Variants in PCDHA5 observed in about 807,000 individuals in gnomAD.
The protein encoded by PCDHA5 is protocadherin alpha-5.
PCDHA5 carries 43 observed loss-of-function variants against 61.6 expected under a neutral mutation model. That is an observed-to-expected ratio of 0.70 (90% CI 0.55 to 0.90). PCDHA5 has a LOEUF of 0.90. Ranked by LOEUF, PCDHA5 falls within the 40% of genes least tolerant of loss-of-function variation. The pLI is 0.00. For missense variants in PCDHA5, 1,298 were observed against 1,222.7 expected, an observed-to-expected ratio of 1.06 and a Z score of -0.92; for synonymous variants, 627 against 543.9, an observed-to-expected ratio of 1.15 and a Z score of -2.13.
chr5:140,837,299 G>A (rs2150274522), intron 1 of PCDHA5: 88,040 of 151,626 alleles, frequency 0.58, 26,686 homozygotes, highest in African/African-American at 0.73. Context: ...ACTTTGTTGA[G>A]ATGTATTTGC....
intron 1 of PCDHA5, chr5:140,828,687 C>T: frequency 6.2e-7 from 1 of 1,614,206 alleles, no homozygotes; most frequent in Non-Finnish European, 8.5e-7. Context: ...TTAAAGAAAT[C>T]CTTGGACAGA....
chr5:140,865,936 A>G (rs1279027190), intron 1 of PCDHA5: 2 of 152,184 alleles, frequency 1.3e-5, no homozygotes, highest in Non-Finnish European at 2.9e-5. Flanking sequence ...AAGAAACTTC[A>G]TGATTGTCTT....
rs782577579 is a variant in PCDHA5, at chr5:140,978,981, T to G, written c.2385T>G (p.Ser795=). The G allele has an allele frequency of 1.4e-5, 22 of 1,614,096 alleles. No individual in the cohort carries two copies. Among genetic ancestry groups the G allele is most frequent in the Non-Finnish European group, 1.8e-5 (21 of 1,180,040 alleles). The change falls in exon 2 of 4, where the codon TCT becomes TCG. Residue 795 remains serine (S), a synonymous_variant. Transcript: ENST00000529859. ...PRQPNPDWRY[S]ASLRAGMHSS... ...AGCCCAACCCTGACTGGCGTTACTC[T>G]GCCTCCCTGAGAGCAGGCATGCACA... is the stretch of plus-strand genomic sequence containing the variant.
chr5:140,830,462 T>C, intron 1 of PCDHA5: 1 of 1,579,416 alleles, frequency 6.3e-7, no homozygotes, highest in Non-Finnish European at 8.6e-7. Flanking sequence ...GAATCAGGAT[T>C]TAAATGAAGA....
rs1767862573 is a variant in PCDHA5 at position 140,823,758 on chromosome 5, A to T, written c.1983A>T (p.Thr661=). The part of the protein sequence containing the change: ...KDHGEPPLTA[T]ATVLVSLVES... ...ATGGAGAGCCCCCGCTGACAGCCAC[A>T]GCCACAGTGCTGGTGTCGCTGGTGG... Residue 661 remains threonine, a synonymous_variant, in exon 1 of 4, where the codon ACA becomes ACT. Coordinates refer to ENST00000529859, the MANE Select transcript of PCDHA5 (RefSeq NM_018908.3). 1.9e-6 allele frequency: 3 copies of T among 1,613,872 alleles called. No homozygotes were observed. The highest frequency in any genetic ancestry group is 2.5e-6 in the Non-Finnish European group (3 of 1,179,932).
At chr5:140,840,358 G>A (rs1180450322) in intron 1 of PCDHA5, among the ~76,000 whole-genome samples, 1 of 151,928 alleles carries the variant, frequency 6.6e-6, no homozygotes, top group East Asian at 1.9e-4. Flanking sequence ...AGGTAAAAAT[G>A]TCAGGTAGAA....
In PCDHA5 at chr5:140,821,636, AAAG is replaced by A. The variant is rs1425064126; in HGVS notation, c.-137_-135del. The stretch of plus-strand genomic sequence containing the variant: ...GTAGATTTTCCTTAGACAGAAAGGA[AAAG>A]AACCTTCCATTTTTGGCTGTGCCAA... On this transcript the variant is annotated 5_prime_UTR_variant, in exon 1 of 4. Transcript: ENST00000529859. The A allele has an allele frequency of 3.9e-6, 4 of 1,021,456 alleles. No individual in the cohort carries two copies. The highest frequency in any genetic ancestry group is 4.2e-6 in the Non-Finnish European group (3 of 713,464). 63.3% of individuals were successfully genotyped at this position (1,021,456 alleles called of 1,614,324 possible).
chr5:140,967,293 A>T, intron 1 of PCDHA5: 1 of 1,612,824 alleles, frequency 6.2e-7, no homozygotes. Flanking sequence ...CAGGACCCCG[A>T]CGTGGGCGCC....
At chr5:140,978,835 A>G in intron 1 of PCDHA5, 114 bp from the exon 2 acceptor site, 2 of 1,550,342 alleles carry the variant, frequency 1.3e-6, no homozygotes, top group Non-Finnish European at 1.7e-6. Flanking sequence ...TGGCTCATTC[A>G]ATACTTTTTT....
At chr5:140,849,663 A>T in intron 1 of PCDHA5, 1 of 1,598,672 alleles carries the variant, frequency 6.3e-7, no homozygotes, top group Non-Finnish European at 8.6e-7. Context: ...CTGCTCCCTG[A>T]CGCCCCACGT....
At chr5:140,958,192 C>G (rs1554223363) in intron 1 of PCDHA5, among the ~76,000 whole-genome samples, 1 of 151,790 alleles carries the variant, frequency 6.6e-6, no homozygotes, top group Non-Finnish European at 1.5e-5. Context: ...TGTTACTGGT[C>G]TAGTATACAA....
rs556069691 is a variant in PCDHA5 at position 140,951,526 on chromosome 5, G to A, written c.2353-27423G>A. Among the ~76,000 whole-genome samples the A allele has an allele frequency of 7.4e-4, 112 of 152,076 alleles. 1 individual carries two copies. The highest frequency in any genetic ancestry group is 2.6e-3 in the African/African-American group (107 of 41,516). ...GGAAAGCGGCTCATCTTACATGGCC[G>A]GTGCAGGAGCAAGGGACGGGGGGAA... is the stretch of plus-strand genomic sequence containing the variant. On this transcript the variant is annotated intron_variant, in intron 1 of 3. Transcript: ENST00000529859.
At chr5:140,882,993 T>G (rs1554176415) in intron 1 of PCDHA5, 2 of 1,614,080 alleles carry the variant, frequency 1.2e-6, no homozygotes, top group Non-Finnish European at 1.7e-6. Flanking sequence ...GCCCCGGAAT[T>G]TTACCAATCC....
rs76033389 is a variant in PCDHA5, at chr5:140,874,549, G to A, written c.2352+50422G>A. Among the ~76,000 whole-genome samples, 707 of 152,298 alleles carry A rather than the reference G, an allele frequency of 4.6e-3. 3 individuals are homozygous for A. The highest frequency in any genetic ancestry group is 0.016 in the African/African-American group (683 of 41,566). On this transcript the variant is annotated intron_variant, in intron 1 of 3. Transcript: ENST00000529859. ...GATTAGGCTCCAAAACCCTTTAAGA[G>A]ATCTTTCGCATTTTAGTGCTCCATT...
intron 1 of PCDHA5, among the ~76,000 whole-genome samples, chr5:140,908,256 A>T (rs192899359): frequency 6.6e-6 from 1 of 152,130 alleles, no homozygotes; most frequent in Non-Finnish European, 1.5e-5. Context: ...AACTGATCAT[A>T]GGGAACTCCC....
chr5:140,876,815 T>G (rs782365798), intron 1 of PCDHA5: 1 of 1,614,148 alleles, frequency 6.2e-7, no homozygotes, highest in South Asian at 1.1e-5. Flanking sequence ...GTGGCCGACG[T>G]GAACGACAAT....
intron 1 of PCDHA5, among the ~76,000 whole-genome samples, chr5:140,960,813 A>C (rs1356756058): frequency 6.6e-6 from 1 of 152,202 alleles, no homozygotes; most frequent in Non-Finnish European, 1.5e-5. Context: ...AGAGGTCCCA[A>C]GTGATGAATG....
intron 1 of PCDHA5, among the ~76,000 whole-genome samples, chr5:140,831,452 T>G (rs1554133237): frequency 6.6e-6 from 1 of 150,554 alleles, no homozygotes; most frequent in African/African-American, 2.4e-5. Context: ...CTCGAATGCC[T>G]GGGCTCAAGT....
At chr5:140,996,036 C>T (rs1324761666) in intron 3 of PCDHA5, among the ~76,000 whole-genome samples, 1 of 152,190 alleles carries the variant, frequency 6.6e-6, no homozygotes, top group Non-Finnish European at 1.5e-5. Context: ...GCTCCTAGCA[C>T]TTAACACAGT....
Sources: gnomAD v4.1 joint callset for allele counts (sites outside exome capture counted in the v4.1 genomes callset) on GRCh38, gnomAD v4.1.1 for gene constraint, MANE v1.5 for transcripts, NCBI Gene and HGNC (gene_info 2026-07-23, HGNC 2026-07-21) for gene names.